RARB: variants seen among roughly 807,000 people sequenced by gnomAD.
The protein encoded by RARB is HBV-activated protein.
Under a neutral mutation model 51.9 loss-of-function variants are expected in RARB, and 17 were observed. That is an observed-to-expected ratio of 0.33 (90% CI 0.22 to 0.49). The LOEUF is 0.49. Ranked by LOEUF, RARB falls within the 20% of genes least tolerant of loss-of-function variation. RARB has a pLI of 0.99. For synonymous variants in RARB, 215 were observed against 195.4 expected (o/e 1.10, Z -0.84); for missense variants, 369 against 550.8 (o/e 0.67, Z 3.30).
intron 5 of RARB, among the ~76,000 whole-genome samples, chr3:25,384,020 G>C (rs950487460): frequency 6.6e-6 from 1 of 151,990 alleles, no homozygotes; most frequent in Non-Finnish European, 1.5e-5. Context: ...TCATTTTTTA[G>C]TTGGGTGTTT....
intron 5 of RARB, among the ~76,000 whole-genome samples, chr3:25,283,013 C>T (rs1240856452): frequency 6.6e-6 from 1 of 152,200 alleles, no homozygotes; most frequent in African/African-American, 2.4e-5. Flanking sequence ...AGGAGCGACA[C>T]TGTCTCTTCC....
chr3:24,928,375 T>A (rs1051817256), intron 2 of RARB, among the ~76,000 whole-genome samples: 1 of 151,974 alleles, frequency 6.6e-6, no homozygotes, highest in East Asian at 1.9e-4. Flanking sequence ...ATCCTGTAAG[T>A]AAGACACTAG....
rs1463084788 is a variant in RARB at position 24,990,622 on chromosome 3, C to T, written c.-379-69503C>T. Among the ~76,000 whole-genome samples the T allele has an allele frequency of 1.8e-5, 2 of 108,112 alleles. 1 individual carries two copies. The highest frequency in any genetic ancestry group is 3.7e-5 in the Non-Finnish European group (2 of 53,412). The allele number at this position is 108,112 out of a possible 152,430, so 70.9% of individuals were successfully genotyped here. A position where few individuals can be genotyped will look rare whatever the true frequency, so the allele number is the denominator to read the frequency against. On this transcript the variant is annotated intron_variant, in intron 2 of 11. Coordinates refer to the RARB transcript ENST00000383772. The stretch of plus-strand genomic sequence containing the variant: ...ATAGTTTTATTCTGCAACCTACATT[C>T]CATTCTATTTTGTTTATTTGTCTAG...
intron 5 of RARB, among the ~76,000 whole-genome samples, chr3:25,210,763 G>C (rs144724671): frequency 2.3e-3 from 353 of 151,852 alleles, no homozygotes; most frequent in African/African-American, 7.8e-3. Flanking sequence ...TCGAACTCCT[G>C]ACCTCAAGTG....
intron 2 of RARB, among the ~76,000 whole-genome samples, chr3:24,995,795 A>G (rs1697008691): frequency 6.6e-6 from 1 of 152,136 alleles, no homozygotes; most frequent in Non-Finnish European, 1.5e-5. Flanking sequence ...CCATCCTTGT[A>G]TCCCTGGGAT....
rs147350611 is a variant in RARB at position 25,410,962 on chromosome 3, A to G, written c.179-50231A>G. Among the ~76,000 whole-genome samples the G allele has an allele frequency of 2.7e-3, 409 of 152,368 alleles. 3 individuals carry two copies. Among genetic ancestry groups the G allele is most frequent in the African/African-American group, 9.2e-3 (383 of 41,588 alleles). Reference sequence around the variant, plus strand: ...GAAGTCTAGGAAGTTAAAGCCTTACAGAAGCATTTGAAACATTTTCAGAGG... The same window carrying G: ...GAAGTCTAGGAAGTTAAAGCCTTACGGAAGCATTTGAAACATTTTCAGAGG... On this transcript the variant is annotated intron_variant, in intron 5 of 11. Transcript: ENST00000383772.
intron 5 of RARB, among the ~76,000 whole-genome samples, chr3:25,201,713 G>A (rs1023395513): frequency 5.3e-5 from 8 of 152,174 alleles, no homozygotes; most frequent in African/African-American, 1.7e-4. Context: ...CGTTGGTTCT[G>A]TTTATATGCT....
At chr3:25,210,454 G>GCT (rs2125377670) in intron 5 of RARB, among the ~76,000 whole-genome samples, 1 of 151,278 alleles carries the variant, frequency 6.6e-6, no homozygotes, top group East Asian at 1.9e-4. Context: ...GTTATATATG[G>GCT]GTGTTTTCTC....
At chr3:25,214,554 C>T (rs543978392) in intron 5 of RARB, among the ~76,000 whole-genome samples, 1 of 152,226 alleles carries the variant, frequency 6.6e-6, no homozygotes, top group African/African-American at 2.4e-5. Flanking sequence ...TTTTTCACAT[C>T]GAATAAATGG....
intron 3 of RARB, among the ~76,000 whole-genome samples, chr3:25,528,914 C>T (rs1698776960): frequency 1.3e-5 from 2 of 152,046 alleles, no homozygotes; most frequent in East Asian, 3.9e-4. Flanking sequence ...TTGATTGGGC[C>T]TCACCTCCTT....
intron 5 of RARB, among the ~76,000 whole-genome samples, chr3:25,198,389 C>G (rs1460501972): frequency 6.6e-6 from 1 of 151,862 alleles, no homozygotes; most frequent in Non-Finnish European, 1.5e-5. Flanking sequence ...CAATACCCTA[C>G]AAGCACTGGC....
intron 3 of RARB, among the ~76,000 whole-genome samples, chr3:25,075,592 C>G (rs1307283581): frequency 6.6e-6 from 1 of 151,514 alleles, no homozygotes; most frequent in African/African-American, 2.4e-5. Context: ...TGGAACTCTG[C>G]TAATTGCTAA....
chr3:25,450,291 T>C (rs1207967592), intron 1 of RARB, among the ~76,000 whole-genome samples: 1 of 152,192 alleles, frequency 6.6e-6, no homozygotes, highest in African/African-American at 2.4e-5. Context: ...TAAATAATAA[T>C]TAATAAATTT....
intron 4 of RARB, among the ~76,000 whole-genome samples, chr3:25,148,035 A>T (rs73048450): frequency 0.08 from 12,203 of 152,296 alleles, 644 homozygotes; most frequent in Non-Finnish European, 0.12. Flanking sequence ...TTGTCTACAG[A>T]CTACTGTTTA....
At chr3:25,433,859 A>C (rs933200177) in intron 1 of RARB, among the ~76,000 whole-genome samples, 1 of 152,142 alleles carries the variant, frequency 6.6e-6, no homozygotes, top group Non-Finnish European at 1.5e-5. Flanking sequence ...CCTTTAAATG[A>C]ATGAAAAATA....
At chr3:25,177,203 C>T (rs1700772240) in intron 5 of RARB, among the ~76,000 whole-genome samples, 1 of 152,142 alleles carries the variant, frequency 6.6e-6, no homozygotes, top group African/African-American at 2.4e-5. Flanking sequence ...TGTTAGTTGG[C>T]CCTCAAAGAA....
intron 2 of RARB, among the ~76,000 whole-genome samples, chr3:24,862,711 T>C (rs1702774888): frequency 6.6e-6 from 1 of 152,200 alleles, no homozygotes; most frequent in African/African-American, 2.4e-5. Context: ...GGTCTTGGAA[T>C]GTATGCCCCA....
chr3:25,374,649 A>G (rs1706402063), intron 5 of RARB, among the ~76,000 whole-genome samples: 1 of 152,060 alleles, frequency 6.6e-6, no homozygotes, highest in East Asian at 1.9e-4. Flanking sequence ...CTCCAACCAG[A>G]AGCCAGAATA....
At chr3:25,095,190 G>T (rs1356000023) in intron 3 of RARB, among the ~76,000 whole-genome samples, 1 of 152,156 alleles carries the variant, frequency 6.6e-6, no homozygotes, top group African/African-American at 2.4e-5. Flanking sequence ...TCTACTTCTG[G>T]ACATTCTGAT....
Sources: allele counts gnomAD v4.1 joint callset (sites outside exome capture counted in the v4.1 genomes callset), GRCh38; gene constraint gnomAD v4.1.1; transcripts MANE v1.5; gene names NCBI Gene and HGNC (gene_info 2026-07-23, HGNC 2026-07-21).